CDH13: variants seen among roughly 807,000 people sequenced by gnomAD.
CDH13 encodes cadherin-13.
A neutral mutation model predicts 63.8 loss-of-function variants in CDH13; 24 were observed. That is an observed-to-expected ratio of 0.38 (90% confidence interval 0.27 to 0.53). The LOEUF (loss-of-function observed/expected upper bound fraction) is 0.53. CDH13 is among the 20% of genes least tolerant of loss of function. The probability of loss-of-function intolerance (pLI) is 0.85; values close to 1 mark genes in which losing one functional copy is unlikely to be tolerated. For missense variants in CDH13, 1,049 were observed against 903.1 expected (o/e 1.16, Z -2.07); for synonymous variants, 503 against 355.3 (o/e 1.42, Z -4.67).
At chr16:82,753,806 C>G (rs1050966167) in intron 1 of CDH13, among the ~76,000 whole-genome samples, 1 of 152,202 alleles carries the variant, frequency 6.6e-6, no homozygotes, top group African/African-American at 2.4e-5. Context: ...ACCTCAGAAG[C>G]TGTCCAAACA....
intron 11 of CDH13, among the ~76,000 whole-genome samples, chr16:83,756,844 G>T (rs1327025623): frequency 1.3e-5 from 2 of 152,174 alleles, no homozygotes; most frequent in African/African-American, 4.8e-5. Flanking sequence ...CATTGTGGGA[G>T]TCTTAAAACA....
chr16:82,836,410 A>G (rs777343010), intron 1 of CDH13, among the ~76,000 whole-genome samples: 3 of 152,144 alleles, frequency 2.0e-5, no homozygotes, highest in Non-Finnish European at 4.4e-5. Context: ...TTGGCCTCCC[A>G]AAGTGCTAGG....
intron 2 of CDH13, among the ~76,000 whole-genome samples, chr16:83,014,730 A>T (rs1367815532): frequency 3.8e-5 from 1 of 26,152 alleles, no homozygotes; most frequent in Non-Finnish European, 6.8e-5. Context: ...GACTCCATCT[A>T]AAAAAAAAAA....
chr16:82,642,296 C>T (rs1909509160), intron 1 of CDH13, among the ~76,000 whole-genome samples: 2 of 152,116 alleles, frequency 1.3e-5, no homozygotes, highest in African/African-American at 2.4e-5. Context: ...TTTAGGCAAA[C>T]ACAGTTGTCA....
At chr16:82,727,110 C>T (rs758848314) in intron 1 of CDH13, among the ~76,000 whole-genome samples, 21 of 152,116 alleles carry the variant, frequency 1.4e-4, no homozygotes, top group Non-Finnish European at 2.8e-4. Context: ...GGTGGGGTTA[C>T]AAGATGCGCA....
At chr16:83,290,810 C>T (rs2089448492) in intron 5 of CDH13, among the ~76,000 whole-genome samples, 1 of 152,086 alleles carries the variant, frequency 6.6e-6, no homozygotes, top group Non-Finnish European at 1.5e-5. Flanking sequence ...TCTTTCTGAC[C>T]ATGCATCTTC....
chr16:82,890,644 G>C (rs1446062520), intron 2 of CDH13, among the ~76,000 whole-genome samples: 1 of 135,880 alleles, frequency 7.4e-6, no homozygotes, highest in Non-Finnish European at 1.5e-5. Context: ...GAGCATGAGA[G>C]ACATTCTTTT....
At chr16:82,673,183 G>A (rs1048899140) in intron 1 of CDH13, among the ~76,000 whole-genome samples, 85 of 151,742 alleles carry the variant, frequency 5.6e-4, no homozygotes, top group African/African-American at 2.0e-3. Context: ...ATCAGTGTTC[G>A]ACGAAGCCCC....
intron 6 of CDH13, among the ~76,000 whole-genome samples, chr16:83,348,191 GA>G (rs1255398379): frequency 6.6e-6 from 1 of 151,846 alleles, no homozygotes; most frequent in East Asian, 1.9e-4. Context: ...CTCCATCTAG[GA>G]AAAAAATGAA....
chr16:83,434,593 A>G (rs757330766), intron 6 of CDH13, among the ~76,000 whole-genome samples: 36 of 151,870 alleles, frequency 2.4e-4, no homozygotes, highest in Non-Finnish European at 3.1e-4. Context: ...AAAAAAGAAA[A>G]AACAGATCCA....
At chr16:82,928,214 T>A (rs751429948) in intron 2 of CDH13, among the ~76,000 whole-genome samples, 14 of 152,040 alleles carry the variant, frequency 9.2e-5, no homozygotes, top group Non-Finnish European at 1.9e-4. Flanking sequence ...CACATAAGGC[T>A]TTTTGATGAC....
At chr16:83,478,777 C>T (rs1022121963) in intron 6 of CDH13, among the ~76,000 whole-genome samples, 1 of 149,388 alleles carries the variant, frequency 6.7e-6, no homozygotes, top group Non-Finnish European at 1.5e-5. Flanking sequence ...ACAGTCTTCA[C>T]ACCCAGAACT....
chr16:83,295,288 A>G (rs901005892), intron 5 of CDH13, among the ~76,000 whole-genome samples: 3 of 152,182 alleles, frequency 2.0e-5, no homozygotes, highest in East Asian at 3.8e-4. Context: ...GGAAGAAAAC[A>G]TAGGGAAAAG....
Position 83,418,623 on chromosome 16 carries a change from C to G in CDH13, c.782-67854C>G, listed in dbSNP as rs77109143. On this transcript the variant is annotated intron_variant, in intron 6 of 13. Coordinates refer to ENST00000567109, the MANE Select transcript of CDH13 (RefSeq NM_001257.5). ...CAAACCAGGATTCTGTCCAAGAACT[C>G]CTTTGATGAGGAAGTGTTGCTAGAA... Among the ~76,000 whole-genome samples, 838 of 152,150 alleles carry G rather than the reference C, an allele frequency of 5.5e-3. 14 individuals carry two copies. Among genetic ancestry groups the G allele is most frequent in the African/African-American group, 0.02 (812 of 41,508 alleles).
intron 1 of CDH13, among the ~76,000 whole-genome samples, chr16:82,674,044 A>T (rs905525906): frequency 3.5e-4 from 53 of 152,188 alleles, no homozygotes; most frequent in African/African-American, 1.3e-3. Flanking sequence ...AGAGCTGATT[A>T]TGTTGGTCCT....
At chr16:83,380,441 A>T (rs920117845) in intron 6 of CDH13, among the ~76,000 whole-genome samples, 35 of 152,208 alleles carry the variant, frequency 2.3e-4, no homozygotes, top group African/African-American at 6.3e-4. Context: ...TGAAGATAAA[A>T]GACGTGACAG....
chr16:82,903,377 G>T (rs2041533300), intron 2 of CDH13, among the ~76,000 whole-genome samples: 1 of 152,196 alleles, frequency 6.6e-6, no homozygotes, highest in Non-Finnish European at 1.5e-5. Context: ...GTTTGACCCT[G>T]TGAAGAGCTT....
At chr16:83,031,209 A>ACCATATACATGCGCATGTATG (rs1916281946) in intron 2 of CDH13, among the ~76,000 whole-genome samples, 1 of 146,396 alleles carries the variant, frequency 6.8e-6, no homozygotes, top group African/African-American at 2.5e-5. Context: ...GCGCATGTAT[A>ACCATATACATGCGCATGTATG]CACCATATAC....
chr16:82,843,174 T>C (rs565945716), intron 1 of CDH13, among the ~76,000 whole-genome samples: 1 of 152,344 alleles, frequency 6.6e-6, no homozygotes, highest in East Asian at 1.9e-4. Context: ...GTCTTTCCTA[T>C]AATGTTCTGT....
Sources: allele counts gnomAD v4.1 joint callset (sites outside exome capture counted in the v4.1 genomes callset), GRCh38; gene constraint gnomAD v4.1.1; transcripts MANE v1.5; gene names NCBI Gene and HGNC (gene_info 2026-07-23, HGNC 2026-07-21).